KMT5B: variants seen among roughly 807,000 people sequenced by gnomAD.
KMT5B encodes the protein histone-lysine N-methyltransferase KMT5B.
A neutral mutation model predicts 83.2 loss-of-function variants in KMT5B; 10 were observed. The observed-to-expected ratio is 0.12, with a 90% CI of 0.07 to 0.20. The LOEUF is 0.20. Among genes scored for constraint, KMT5B ranks in the 10% least tolerant of loss-of-function variants. KMT5B has a pLI of 1.00. For synonymous variants in KMT5B, 349 were observed against 388.8 expected, an observed-to-expected ratio of 0.90 and a Z score of 1.20; for missense variants, 753 against 1,067.2, an observed-to-expected ratio of 0.71 and a Z score of 4.10.
At chr11:68,188,169 C>T (rs927897433) in intron 2 of KMT5B, among the ~76,000 whole-genome samples, 1 of 151,478 alleles carries the variant, frequency 6.6e-6, no homozygotes, top group African/African-American at 2.4e-5. Flanking sequence ...GGACTACAGG[C>T]ACCTGCCACC....
chr11:68,159,357 T>C (rs1427881626), intron 10 of KMT5B, among the ~76,000 whole-genome samples, 186 bp from the exon 11 acceptor site: 1 of 152,244 alleles, frequency 6.6e-6, no homozygotes, highest in African/African-American at 2.4e-5. Context: ...AGTTCTTTTC[T>C]AATTTATGGG....
chr11:68,184,672 A>G lies in KMT5B; in HGVS notation c.308+1109T>C, dbSNP rs563598747. ...TCCGGGTGTGATGGAGATGAAAGTG[A>G]TGGGCCAGAACTAGCTCTATCTTCT... On this transcript the variant is annotated intron_variant, in intron 3 of 10. Transcript: ENST00000304363. 2.0e-5 allele frequency among the ~76,000 whole-genome samples: 3 copies of G among 152,302 alleles called. No homozygotes were observed. In the East Asian group the frequency reaches 5.8e-4, roughly 29 times the overall value.
intron 10 of KMT5B, among the ~76,000 whole-genome samples, chr11:68,162,790 T>C (rs1478274626): frequency 6.6e-6 from 1 of 152,190 alleles, no homozygotes; most frequent in African/African-American, 2.4e-5. Context: ...ATGTTACCAA[T>C]GTATTCTAAT....
rs1859325084 is a variant in KMT5B at position 68,156,780 on chromosome 11, T to G, written c.*908A>C. The G allele has an allele frequency of 6.6e-6, 1 of 152,614 alleles. No individual in the cohort carries two copies. Among genetic ancestry groups the G allele is most frequent in the African/African-American group, 2.4e-5 (1 of 41,444 alleles). 9.5% of individuals were successfully genotyped at this position (152,614 alleles called of 1,614,324 possible). ...TTTCATAAACTATTATAAGTTAAAG[T>G]GAATAGATTTTTTTAATATTCCTTG... On this transcript the variant is annotated 3_prime_UTR_variant, in exon 11 of 11. Coordinates refer to ENST00000304363, the MANE Select transcript of KMT5B (RefSeq NM_017635.5).
At chr11:68,201,946 G>C (rs998889691) in intron 1 of KMT5B, among the ~76,000 whole-genome samples, 3 of 151,174 alleles carry the variant, frequency 2.0e-5, no homozygotes, top group Non-Finnish European at 4.4e-5. Flanking sequence ...AAAATTAGTC[G>C]GGTGTGGTGG....
chr11:68,193,754 A>G (rs571369469), intron 1 of KMT5B, among the ~76,000 whole-genome samples: 5 of 151,896 alleles, frequency 3.3e-5, no homozygotes, highest in Admixed American at 2.6e-4. Context: ...TAATGATCAT[A>G]TATCTTACAC....
At chr11:68,164,190 C>T (rs1399993495) in intron 10 of KMT5B, among the ~76,000 whole-genome samples, 1 of 152,190 alleles carries the variant, frequency 6.6e-6, no homozygotes, top group East Asian at 1.9e-4. Flanking sequence ...AAAGTCACAC[C>T]ATAGCTCTCA....
intron 1 of KMT5B, among the ~76,000 whole-genome samples, chr11:68,193,892 C>T (rs989590840): frequency 6.6e-6 from 1 of 151,228 alleles, no homozygotes; most frequent in African/African-American, 2.4e-5. Context: ...CCTCAAAGTC[C>T]TAGGCTCAAG....
rs1384310620 is a variant in KMT5B at position 68,158,600 on chromosome 11, A to G, written c.1746T>C (p.Ala582=). 8 of 1,614,002 alleles carry G rather than the reference A, an allele frequency of 5.0e-6. No individual in the cohort carries two copies. In the East Asian group the frequency reaches 1.1e-4, roughly 22 times the overall value. ...CCAGTTCTTCCTCCTGCAGCACAGG[A>G]GCTGGCTGCAGCTGTTCACCACTGT... ...CPDSGEQLQP[A]PVLQEEELAH... Residue 582 remains alanine, a synonymous_variant, in exon 11 of 11, where the codon GCT becomes GCC. Coordinates refer to ENST00000304363, the MANE Select transcript of KMT5B (RefSeq NM_017635.5).
chr11:68,201,849 G>A (rs1402238795), intron 1 of KMT5B, among the ~76,000 whole-genome samples: 1 of 151,432 alleles, frequency 6.6e-6, no homozygotes, highest in African/African-American at 2.4e-5. Context: ...GGAGGCCGAA[G>A]CAGGTGGATT....
intron 3 of KMT5B, among the ~76,000 whole-genome samples, chr11:68,183,908 G>C (rs1325818163): frequency 1.3e-4 from 20 of 149,418 alleles, no homozygotes; most frequent in Middle Eastern, 3.7e-3. Context: ...GATCCACCCA[G>C]CTTGGCCTCC....
rs765428873 is a variant in KMT5B at position 68,158,068 on chromosome 11, C to T, written c.2278G>A (p.Ala760Thr). The change falls in exon 11 of 11, where the codon GCA (alanine) becomes ACA (threonine). Residue 760 changes from alanine (A) to threonine (T), a missense_variant. Coordinates refer to ENST00000304363, the MANE Select transcript of KMT5B (RefSeq NM_017635.5). ...GAGTTAAATCCATTATTAAGCTTTGCTACATAGAGATTGTTATCGTTGTCA... is the reference window on the plus strand; with the variant it reads ...GAGTTAAATCCATTATTAAGCTTTGTTACATAGAGATTGTTATCGTTGTCA... ...DHDNDNNLYV[A>T]KLNNGFNSGS... 1.2e-6 allele frequency: 2 copies of T among 1,614,134 alleles called. No homozygotes were observed. Among genetic ancestry groups the T allele is most frequent in the Admixed American group, 1.7e-5 (1 of 60,026 alleles).
chr11:68,185,958 T>C, intron 2 of KMT5B, 30 bp from the exon 3 acceptor site: 1 of 1,558,580 alleles, frequency 6.4e-7, no homozygotes, highest in Non-Finnish European at 8.7e-7. Context: ...GAAAAATTAC[T>C]CAAATTGAAA....
In KMT5B at chr11:68,155,738, C is replaced by G. The variant is rs778006436; in HGVS notation, c.*1950G>C. 1.3e-5 allele frequency: 2 copies of G among 152,200 alleles called. No homozygotes were observed. The highest frequency in any genetic ancestry group is 6.6e-5 in the Admixed American group (1 of 15,266). The allele number at this position is 152,200 out of a possible 1,614,324, so 9.4% of individuals were successfully genotyped here. A position where few individuals can be genotyped will look rare whatever the true frequency, so the allele number is the denominator to read the frequency against. On this transcript the variant is annotated 3_prime_UTR_variant, in exon 11 of 11. Coordinates refer to ENST00000304363, the MANE Select transcript of KMT5B (RefSeq NM_017635.5). ...GTGCTCTGCAAAGTGCTCCGGGTGC[C>G]TCGGACAGGTGCTCCTGAGAGGCTG...
intron 2 of KMT5B, 70 bp downstream of exon 2, chr11:68,189,847 C>A: frequency 7.0e-7 from 1 of 1,431,882 alleles, no homozygotes; most frequent in Non-Finnish European, 9.5e-7. Context: ...ACAGAATACA[C>A]ATTACAAACT....
chr11:68,196,113 C>A (rs1858674865), intron 1 of KMT5B, among the ~76,000 whole-genome samples: 1 of 152,160 alleles, frequency 6.6e-6, no homozygotes, highest in Non-Finnish European at 1.5e-5. Context: ...GCCAAGACTG[C>A]ACCACTGGAC....
At position 68,158,092 on chromosome 11, in the gene KMT5B, C is replaced by T; in HGVS notation, c.2254G>A (p.Asp752Asn). Residue 752 changes from aspartate (D) to asparagine (N), a missense_variant, in exon 11 of 11, where the codon GAC becomes AAC. Asp to Asn is a conservative substitution (Grantham distance 23, BLOSUM62 1). Transcript: ENST00000304363. ...GCTACATAGAGATTGTTATCGTTGT[C>T]ATGGTCTTTGCTTAACTTGATGCTT... ...KISIKLSKDH[D>N]NDNNLYVAKL... 6.2e-7 allele frequency: 1 copy of T among 1,614,166 alleles called. No individual in the cohort carries two copies. The highest frequency in any genetic ancestry group is 1.1e-5 in the South Asian group (1 of 91,066).
Position 68,189,906 on chromosome 11 carries a change from T to A in KMT5B, c.160+11A>T. The A allele has an allele frequency of 6.2e-7, 1 of 1,611,546 alleles. No individual in the cohort carries two copies. Among genetic ancestry groups the A allele is most frequent in the Non-Finnish European group, 8.5e-7 (1 of 1,178,906 alleles). Reference sequence around the variant, plus strand: ...ACAATCAGAACATTGAAGGTTTAAGTGTGTACATACATCTGTTCGACCTCC... The same window carrying A: ...ACAATCAGAACATTGAAGGTTTAAGAGTGTACATACATCTGTTCGACCTCC... On this transcript the variant is annotated intron_variant, in intron 2 of 10. Transcript: ENST00000304363.
intron 10 of KMT5B, among the ~76,000 whole-genome samples, chr11:68,161,176 T>C (rs180957839): frequency 2.0e-5 from 3 of 152,294 alleles, no homozygotes; most frequent in East Asian, 3.8e-4. Flanking sequence ...ACTGGAACTA[T>C]ACAGAACTAT....
Sources: gnomAD v4.1 joint callset for allele counts (sites outside exome capture counted in the v4.1 genomes callset) on GRCh38, gnomAD v4.1.1 for gene constraint, MANE v1.5 for transcripts, NCBI Gene and HGNC (gene_info 2026-07-23, HGNC 2026-07-21) for gene names.